The following CAMK4 variants were observed in gnomAD, a reference collection of about 807,000 sequenced individuals.
CAMK4 encodes calcium/calmodulin dependent protein kinase IV, also known as calcium/calmodulin-dependent protein kinase type IV.
A neutral mutation model predicts 44.9 loss-of-function variants in CAMK4; 22 were observed. The ratio of observed to expected loss-of-function variants is 0.49; its 90% CI spans 0.35 to 0.70. The LOEUF is 0.70. Among genes scored for constraint, CAMK4 ranks in the 30% least tolerant of loss-of-function variants. The probability of loss-of-function intolerance (pLI) is 0.01; values close to 1 mark genes in which losing one functional copy is unlikely to be tolerated. For missense variants in CAMK4, 498 were observed against 586.8 expected (o/e 0.85, Z 1.56); for synonymous variants, 218 against 215.4 (o/e 1.01, Z -0.11).
rs1403641260 is a variant in CAMK4, at chr5:111,290,441, A to T, written c.162-53583A>T. On this transcript the variant is annotated intron_variant, in intron 1 of 10. Coordinates refer to ENST00000282356, the MANE Select transcript of CAMK4 (RefSeq NM_001744.6). The surrounding 1 kb of genome is among the most constrained non-coding windows in gnomAD (Gnocchi z 4.5). ...ATTCCAGGCAGTAGGAGTGAGCAAT[A>T]AGAGAAATGAACCAGGAAATGAAGG... Among the ~76,000 whole-genome samples, 1 of 152,214 alleles carries T rather than the reference A, an allele frequency of 6.6e-6. No individual in the cohort carries two copies. The highest frequency in any genetic ancestry group is 1.5e-5 in the Non-Finnish European group (1 of 68,046).
intron 1 of CAMK4, among the ~76,000 whole-genome samples, chr5:111,301,696 A>C (rs1457748712): frequency 6.6e-6 from 1 of 152,186 alleles, no homozygotes; most frequent in Non-Finnish European, 1.5e-5. Context: ...TAGCCAAATA[A>C]CTTCCTTATA....
At chr5:111,351,435 C>T (rs1159193203) in intron 2 of CAMK4, among the ~76,000 whole-genome samples, 5 of 147,548 alleles carry the variant, frequency 3.4e-5, no homozygotes, top group East Asian at 4.0e-4. Flanking sequence ...GACAGAGTTT[C>T]GCTTTTGTTG....
intron 1 of CAMK4, among the ~76,000 whole-genome samples, chr5:111,236,257 A>G (rs1013517049): frequency 6.6e-6 from 1 of 152,260 alleles, no homozygotes; most frequent in African/African-American, 2.4e-5. Flanking sequence ...AGTTCAGTTT[A>G]TACAGCCTTG....
chr5:111,289,867 C>A (rs1262827654), intron 1 of CAMK4, among the ~76,000 whole-genome samples: 1 of 152,234 alleles, frequency 6.6e-6, no homozygotes, highest in Non-Finnish European at 1.5e-5. Flanking sequence ...TTGATTACTC[C>A]TCATAATACA....
At chr5:111,254,062 G>T (rs569084732) in intron 1 of CAMK4, among the ~76,000 whole-genome samples, 1 of 152,240 alleles carries the variant, frequency 6.6e-6, no homozygotes, top group South Asian at 2.1e-4. Flanking sequence ...ATTGAATCTG[G>T]TTTATGAAAA....
chr5:111,326,065 G>C (rs980258928), intron 1 of CAMK4, among the ~76,000 whole-genome samples: 6 of 152,084 alleles, frequency 3.9e-5, no homozygotes, highest in African/African-American at 1.4e-4. Context: ...TAAAAGAAGA[G>C]AGATACAATT....
intron 5 of CAMK4, among the ~76,000 whole-genome samples, chr5:111,423,908 C>A (rs1275115975): frequency 6.6e-6 from 1 of 152,146 alleles, no homozygotes; most frequent in Non-Finnish European, 1.5e-5. Flanking sequence ...AATCTTTACA[C>A]CAATAAGGCT....
At chr5:111,315,292 G>T (rs377559321) in intron 1 of CAMK4, among the ~76,000 whole-genome samples, 94 of 152,198 alleles carry the variant, frequency 6.2e-4, no homozygotes, top group African/African-American at 2.0e-3. Context: ...GGAATAGTGA[G>T]CTATTTTAAT....
intron 1 of CAMK4, among the ~76,000 whole-genome samples, chr5:111,241,501 GTT>G (rs1182150650): frequency 6.6e-6 from 1 of 152,010 alleles, no homozygotes; most frequent in African/African-American, 2.4e-5. Context: ...CACTTTCCAG[GTT>G]TCTCCACTGT....
chr5:111,329,881 A>G (rs1462968822), intron 1 of CAMK4, among the ~76,000 whole-genome samples: 1 of 151,722 alleles, frequency 6.6e-6, no homozygotes, highest in Non-Finnish European at 1.5e-5. Context: ...ACTACAGCTG[A>G]TGTCATTTTT....
At chr5:111,388,658 G>C (rs1347430332) in intron 4 of CAMK4, among the ~76,000 whole-genome samples, 1 of 152,112 alleles carries the variant, frequency 6.6e-6, no homozygotes, top group African/African-American at 2.4e-5. Flanking sequence ...TTAGCACACT[G>C]TGTTGAATGT....
At position 111,482,961 on chromosome 5, in the gene CAMK4, T is replaced by C. The variant is rs1330888277; in HGVS notation, c.981+24T>C. On this transcript the variant is annotated intron_variant, in intron 10 of 10. Transcript: ENST00000282356. This position sits in a 1 kb window ranked among gnomAD's most constrained non-coding sequence, Gnocchi z 4.9. Reference sequence around the variant, plus strand: ...AGGTAAGATAGCATATATTTTGTTTTGTTTTGTTTTGTTTTCAAAAAATTT... The same window carrying C: ...AGGTAAGATAGCATATATTTTGTTTCGTTTTGTTTTGTTTTCAAAAAATTT... 3 of 1,565,524 alleles carry C rather than the reference T, an allele frequency of 1.9e-6. No individual in the cohort carries two copies. The highest frequency in any genetic ancestry group is 2.0e-5 in the Admixed American group (1 of 49,170).
chr5:111,370,823 G>C (rs561755853), intron 2 of CAMK4, among the ~76,000 whole-genome samples: 18 of 152,244 alleles, frequency 1.2e-4, no homozygotes, highest in African/African-American at 3.4e-4. Context: ...GCTGAGGCAG[G>C]AGAATCGCTT....
chr5:111,412,648 A>G lies in CAMK4; in HGVS notation c.459+17866A>G, dbSNP rs76997107. Among the ~76,000 whole-genome samples, 1,218 of 152,330 alleles carry G rather than the reference A, an allele frequency of 8.0e-3. 14 individuals are homozygous for G. The highest frequency in any genetic ancestry group is 0.026 in the African/African-American group (1,070 of 41,572). ...AAATATTCTGAAACATCTGTAATATATAAGTAAGGTAGAAGGTGGGACTCA... is the reference window on the plus strand; with the variant it reads ...AAATATTCTGAAACATCTGTAATATGTAAGTAAGGTAGAAGGTGGGACTCA... On this transcript the variant is annotated intron_variant, in intron 5 of 10. Transcript: ENST00000282356.
chr5:111,252,580 C>T (rs1749554899), intron 1 of CAMK4, among the ~76,000 whole-genome samples: 1 of 152,086 alleles, frequency 6.6e-6, no homozygotes, highest in African/African-American at 2.4e-5. Flanking sequence ...AGGACTTACA[C>T]GTAATACTCA....
chr5:111,428,852 T>A (rs1266507513), intron 5 of CAMK4, among the ~76,000 whole-genome samples: 1 of 152,128 alleles, frequency 6.6e-6, no homozygotes, highest in Non-Finnish European at 1.5e-5. Flanking sequence ...TACAAGGAGG[T>A]TATAGAATAC....
intron 2 of CAMK4, among the ~76,000 whole-genome samples, chr5:111,372,300 C>G (rs1438233631): frequency 6.6e-6 from 1 of 152,120 alleles, no homozygotes. Context: ...CCTCCCATCT[C>G]CCTCAACCAT....
At position 111,484,502 on chromosome 5, in the gene CAMK4, ATTTTAT is replaced by A; in HGVS notation, c.*37_*42del. On this transcript the variant is annotated 3_prime_UTR_variant, in exon 11 of 11. Coordinates refer to ENST00000282356, the MANE Select transcript of CAMK4 (RefSeq NM_001744.6). This position sits in a 1 kb window ranked among gnomAD's most constrained non-coding sequence, Gnocchi z 5.3. ...TCAGATCTGGAAGCCAAACACCGGC[ATTTTAT>A]GTACTTTGTCCTTCAGCAAGAAAGG... 7.2e-7 allele frequency: 1 copy of A among 1,382,716 alleles called. No individual in the cohort carries two copies. The highest frequency in any genetic ancestry group is 1.4e-5 in the African/African-American group (1 of 69,434). 85.7% of individuals were successfully genotyped at this position (1,382,716 alleles called of 1,614,324 possible).
At chr5:111,477,811 T>A (rs1053089098) in intron 8 of CAMK4, among the ~76,000 whole-genome samples, 2 of 152,178 alleles carry the variant, frequency 1.3e-5, no homozygotes, top group African/African-American at 4.8e-5. Flanking sequence ...CACTCTGAAA[T>A]CCAAACTGGA....
Sources: allele counts gnomAD v4.1 joint callset (sites outside exome capture counted in the v4.1 genomes callset), GRCh38; gene constraint gnomAD v4.1.1; non-coding constraint Gnocchi (gnomAD v3.1); transcripts MANE v1.5; gene names NCBI Gene and HGNC (gene_info 2026-07-23, HGNC 2026-07-21).